The following CCDC190 variants were observed in gnomAD, a reference collection of about 807,000 sequenced individuals.
CCDC190 encodes coiled-coil domain containing 190.
In CCDC190, 10 loss-of-function variants were observed where a neutral mutation model predicts 13.1. The observed-to-expected ratio is 0.77, with a 90% confidence interval of 0.47 to 1.30. CCDC190 has a LOEUF of 1.30. Among genes scored for constraint, CCDC190 ranks in the 50% most tolerant of loss-of-function variants. The probability of loss-of-function intolerance (pLI) is 0.00; values close to 1 mark genes in which losing one functional copy is unlikely to be tolerated. For synonymous variants in CCDC190, 136 were observed against 127.2 expected (o/e 1.07, Z -0.47); for missense variants, 375 against 354.3 (o/e 1.06, Z -0.47).
chr1:162,855,416 G>GA, intron 3 of CCDC190, 57 bp from the exon 4 acceptor site: 2 of 1,528,832 alleles, frequency 1.3e-6, no homozygotes, highest in Admixed American at 4.2e-5. Flanking sequence ...CTCTTCTTTA[G>GA]ACCTTTCAAC....
At chr1:162,855,442 C>T (rs956552962) in intron 3 of CCDC190, 83 bp from the exon 4 acceptor site, 51 of 1,490,886 alleles carry the variant, frequency 3.4e-5, no homozygotes, top group Non-Finnish European at 4.2e-5. Context: ...AGGATGTGGC[C>T]CCCTTCAGTA....
chr1:162,863,905 G>A (rs575047563), upstream of CCDC190, among the ~76,000 whole-genome samples: 1 of 151,822 alleles, frequency 6.6e-6, no homozygotes, highest in Non-Finnish European at 1.5e-5. Flanking sequence ...TGTAATCCCA[G>A]CTACTCGGGA....
Position 162,854,642 on chromosome 1 carries a change from T to G in CCDC190, c.*123A>C. ...TATTCCCGGAAAATAATAGGGAGTT[T>G]AAAATAAAATTGTAATTCAATTATG... On this transcript the variant is annotated 3_prime_UTR_variant, in exon 4 of 4. Transcript: ENST00000367912. 1 of 1,419,462 alleles carries G rather than the reference T, an allele frequency of 7.0e-7. No homozygotes were observed. Among genetic ancestry groups the G allele is most frequent in the South Asian group, 1.6e-5 (1 of 60,974 alleles). The allele number at this position is 1,419,462 out of a possible 1,614,324, so 87.9% of individuals were successfully genotyped here.
chr1:162,854,459 T>C lies in CCDC190; in HGVS notation c.*306A>G. 1 of 1,096,484 alleles carries C rather than the reference T, an allele frequency of 9.1e-7. No homozygotes were observed. Among genetic ancestry groups the C allele is most frequent in the African/African-American group, 1.6e-5 (1 of 61,134 alleles). The allele number at this position is 1,096,484 out of a possible 1,614,324, so 67.9% of individuals were successfully genotyped here. On this transcript the variant is annotated 3_prime_UTR_variant, in exon 4 of 4. Transcript: ENST00000367912. ...AGAATCTCCTAGAGGAAACAGGAAGTCCCTGAAAGCAAGACTGTTACTGTT... is the reference window on the plus strand; with the variant it reads ...AGAATCTCCTAGAGGAAACAGGAAGCCCCTGAAAGCAAGACTGTTACTGTT...
rs758489312 is a variant in CCDC190 at position 162,854,372 on chromosome 1, A to G, written c.*393T>C. On this transcript the variant is annotated 3_prime_UTR_variant, in exon 4 of 4. Coordinates refer to ENST00000367912, the MANE Select transcript of CCDC190 (RefSeq NM_001394065.1). ...CAATCACATTCCTATTCCTACCACT[A>G]CTATATATCAAACTAAAACAGAGAG... The G allele has an allele frequency of 1.2e-5, 12 of 1,013,426 alleles. No individual in the cohort carries two copies. The highest frequency in any genetic ancestry group is 1.7e-5 in the African/African-American group (1 of 57,896). The allele number at this position is 1,013,426 out of a possible 1,614,324, so 62.8% of individuals were successfully genotyped here.
chr1:162,861,464 C>A (rs1302186620), upstream of CCDC190, among the ~76,000 whole-genome samples: 1 of 151,794 alleles, frequency 6.6e-6, no homozygotes, highest in African/African-American at 2.4e-5. Context: ...CTTTGTCATA[C>A]CTCCCTTCCC....
chr1:162,856,846 G>C (rs548566649), intron 2 of CCDC190, among the ~76,000 whole-genome samples: 2 of 152,118 alleles, frequency 1.3e-5, no homozygotes, highest in East Asian at 1.9e-4. Context: ...TGTCTCCTTG[G>C]GGTCTTTTGT....
In CCDC190 at chr1:162,853,121, A is replaced by T. The variant is rs751781730; in HGVS notation, c.*1644T>A. On this transcript the variant is annotated 3_prime_UTR_variant, in exon 4 of 4. Transcript: ENST00000367912. ...GAAGCAGATTTCTTGTGTTCCTTTC[A>T]CTATAAAGTATTGTCTCCCCATTGA... The T allele has an allele frequency of 1.4e-5, 21 of 1,550,444 alleles. No individual in the cohort carries two copies. Among genetic ancestry groups the T allele is most frequent in the Middle Eastern group, 3.3e-4 (2 of 6,016 alleles).
rs374822482 is a variant in CCDC190 at position 162,854,997 on chromosome 1, A to T, written c.674T>A (p.Ile225Asn). The T allele has an allele frequency of 1.9e-6, 3 of 1,613,846 alleles. No individual in the cohort carries two copies. The African/African-American group carries it at 4.0e-5, about 22-fold the overall frequency. The change falls in exon 4 of 4, where the codon ATT (isoleucine) becomes AAT (asparagine). Residue 225 changes from isoleucine (I) to asparagine (N), a missense_variant. By Grantham distance (149) the Ile-to-Asn change is moderately radical. Transcript: ENST00000367912. ...TGCACATTCCATGTGTTTTGGGGGAATTTGTTTTCCAGTGTTCCCATCTGG... is the reference window on the plus strand; with the variant it reads ...TGCACATTCCATGTGTTTTGGGGGATTTTGTTTTCCAGTGTTCCCATCTGG... ...LKPDGNTGKQIPPKHMECAGS... is the reference protein window; with the variant it reads ...LKPDGNTGKQNPPKHMECAGS...
Position 162,855,296 on chromosome 1 carries a change from A to G in CCDC190, c.375T>C (p.His125=), listed in dbSNP as rs1206779640. The G allele has an allele frequency of 1.9e-6, 3 of 1,613,496 alleles. No individual in the cohort carries two copies. The highest frequency in any genetic ancestry group is 2.5e-6 in the Non-Finnish European group (3 of 1,179,868). The stretch of plus-strand genomic sequence containing the variant: ...TCATGGGGTCTTTGAGGCCAGCATC[A>G]TGTGAAGGAGGCACCTGGGACTTGC... ...CKSKSQVPPS[H]DAGLKDPMKS... The change falls in exon 4 of 4, where the codon CAT becomes CAC. Residue 125 remains histidine (H), a synonymous_variant. Coordinates refer to ENST00000367912, the MANE Select transcript of CCDC190 (RefSeq NM_001394065.1).
upstream of CCDC190, among the ~76,000 whole-genome samples, chr1:162,866,023 GATA>G (rs1195883207): frequency 6.6e-6 from 1 of 152,066 alleles, no homozygotes; most frequent in Non-Finnish European, 1.5e-5. Flanking sequence ...AAGATCACAT[GATA>G]ATATATCAAT....
upstream of CCDC190, among the ~76,000 whole-genome samples, chr1:162,864,808 A>G (rs1225920922): frequency 6.6e-6 from 1 of 152,120 alleles, no homozygotes; most frequent in African/African-American, 2.4e-5. Context: ...ATTTGAAATA[A>G]AGCAGAAAAA....
chr1:162,863,650 C>T (rs893966125), upstream of CCDC190, among the ~76,000 whole-genome samples: 1 of 152,128 alleles, frequency 6.6e-6, no homozygotes, highest in Non-Finnish European at 1.5e-5. Flanking sequence ...GCAGGGGTTC[C>T]TGACTTGAGG....
At chr1:162,855,897 T>C in intron 2 of CCDC190, 142 bp from the exon 3 acceptor site, 2 of 688,406 alleles carry the variant, frequency 2.9e-6, no homozygotes, top group Admixed American at 6.0e-5. Flanking sequence ...TAAAATGAGG[T>C]CATTAGGGTG....
chr1:162,853,413 T>C lies in CCDC190; in HGVS notation c.*1352A>G, dbSNP rs188699019. On this transcript the variant is annotated 3_prime_UTR_variant, in exon 4 of 4. Coordinates refer to ENST00000367912, the MANE Select transcript of CCDC190 (RefSeq NM_001394065.1). The stretch of plus-strand genomic sequence containing the variant: ...GGATCAGTTGGCATGCTGTGTGGAA[T>C]GTGTCAGGATAGGGGGAGGTACTGA... Among the ~76,000 whole-genome samples the C allele has an allele frequency of 9.2e-5, 14 of 152,346 alleles. No individual in the cohort carries two copies. The Middle Eastern group carries it at 0.01, about 111-fold the overall frequency.
In CCDC190 at chr1:162,851,928, G is replaced by A. The variant is rs1001198558; in HGVS notation, c.*2837C>T. 5 of 152,228 alleles carry A rather than the reference G, an allele frequency of 3.3e-5. No homozygotes were observed. Among genetic ancestry groups the A allele is most frequent in the Non-Finnish European group, 7.3e-5 (5 of 68,050 alleles). 9.4% of individuals were successfully genotyped at this position (152,228 alleles called of 1,614,324 possible). On this transcript the variant is annotated 3_prime_UTR_variant, in exon 4 of 4. Coordinates refer to ENST00000367912, the MANE Select transcript of CCDC190 (RefSeq NM_001394065.1). Reference sequence around the variant, plus strand: ...ATGCCCTTCCCCATCTTCTTTGAGAGGAGAGTATGGGAAAAGAGTACCCTG... The same window carrying A: ...ATGCCCTTCCCCATCTTCTTTGAGAAGAGAGTATGGGAAAAGAGTACCCTG...
chr1:162,859,322 C>T, intron 2 of CCDC190, 138 bp downstream of exon 2: 3 of 698,686 alleles, frequency 4.3e-6, no homozygotes, highest in East Asian at 2.8e-5. Flanking sequence ...GAAGGTTAGG[C>T]AGCCTAAAGT....
chr1:162,859,978 G>T (rs550988208), intron 1 of CCDC190, among the ~76,000 whole-genome samples: 75 of 147,484 alleles, frequency 5.1e-4, no homozygotes, highest in Non-Finnish European at 7.2e-4. Flanking sequence ...AAAAAAAAAA[G>T]GCAGTCTACA....
At chr1:162,855,961 C>A (rs1031081422) in intron 2 of CCDC190, 6 of 440,432 alleles carry the variant, frequency 1.4e-5, no homozygotes, top group Non-Finnish European at 2.5e-5. Flanking sequence ...TTAGAACACA[C>A]AGACACACAC....
Sources: gnomAD v4.1 joint callset for allele counts (sites outside exome capture counted in the v4.1 genomes callset) on GRCh38, gnomAD v4.1.1 for gene constraint, MANE v1.5 for transcripts, NCBI Gene and HGNC (gene_info 2026-07-23, HGNC 2026-07-21) for gene names.